Variants in SUPT3H observed in about 807,000 individuals in gnomAD.
The protein encoded by SUPT3H is transcription initiation protein SPT3 homolog.
Under a neutral mutation model 44.3 loss-of-function variants are expected in SUPT3H, and 44 were observed. That is an observed-to-expected ratio of 0.99 (90% confidence interval 0.78 to 1.28). The LOEUF is 1.28. SUPT3H is among the 50% of genes most tolerant of loss of function. The pLI is 0.00. For missense variants in SUPT3H, 380 were observed against 387.1 expected (o/e 0.98, Z 0.15); for synonymous variants, 124 against 125.6 (o/e 0.99, Z 0.09).
chr6:45,042,294 G>A (rs1788662658), intron 3 of SUPT3H, among the ~76,000 whole-genome samples: 1 of 152,040 alleles, frequency 6.6e-6, no homozygotes, highest in African/African-American at 2.4e-5. Context: ...ATTTTGGCAG[G>A]CACCTGTAAT....
intron 10 of SUPT3H, among the ~76,000 whole-genome samples, chr6:44,860,524 C>T (rs958756930): frequency 6.6e-5 from 10 of 152,180 alleles, no homozygotes; most frequent in Non-Finnish European, 1.0e-4. Flanking sequence ...CAGTTAATGG[C>T]CGGACTGGGA....
At chr6:45,267,278 C>T (rs1775413718) in intron 2 of SUPT3H, among the ~76,000 whole-genome samples, 1 of 152,170 alleles carries the variant, frequency 6.6e-6, no homozygotes, top group Non-Finnish European at 1.5e-5. Context: ...ACCTAAAATT[C>T]ATGCCCTAAT....
At chr6:45,068,314 G>A (rs1485293658) in intron 3 of SUPT3H, among the ~76,000 whole-genome samples, 12 of 120,490 alleles carry the variant, frequency 1.0e-4, no homozygotes, top group Admixed American at 3.5e-4. Context: ...GGACTGTGGT[G>A]GGGTGGGGGG....
chr6:45,158,298 A>ATATATATATATATTTTTTTTTTT, intron 2 of SUPT3H, among the ~76,000 whole-genome samples: 1 of 99,694 alleles, frequency 1.0e-5, no homozygotes, highest in African/African-American at 5.0e-5. Flanking sequence ...ATATATATAT[A>ATATATATATATATTTTTTTTTTT]TTTTTTTTTT....
Position 45,290,949 on chromosome 6 carries a change from G to C in SUPT3H, c.101+74252C>G, listed in dbSNP as rs1780214069. Among the ~76,000 whole-genome samples the C allele has an allele frequency of 4.6e-5, 7 of 152,156 alleles. 1 individual carries two copies. The South Asian group carries it at 1.4e-3, about 32-fold the overall frequency. On this transcript the variant is annotated intron_variant, in intron 2 of 10. Coordinates refer to ENST00000371459, the MANE Select transcript of SUPT3H (RefSeq NM_003599.4). ...AACTCGGATGGACAGAGCAGCATGT[G>C]GAGGCTCGCATCATGAATTTTTGCT... is the stretch of plus-strand genomic sequence containing the variant.
At chr6:45,311,591 A>T (rs1323393862) in intron 2 of SUPT3H, among the ~76,000 whole-genome samples, 1 of 152,154 alleles carries the variant, frequency 6.6e-6, no homozygotes, top group Non-Finnish European at 1.5e-5. Context: ...ATAAAGGAAA[A>T]CCTATCAGAT....
At chr6:45,284,198 G>A (rs1778759506) in intron 2 of SUPT3H, among the ~76,000 whole-genome samples, 1 of 152,104 alleles carries the variant, frequency 6.6e-6, no homozygotes, top group Non-Finnish European at 1.5e-5. Context: ...AGAAGCAAGA[G>A]CAAACACATT....
At chr6:45,292,634 G>A (rs1780489510) in intron 2 of SUPT3H, among the ~76,000 whole-genome samples, 5 of 151,022 alleles carry the variant, frequency 3.3e-5, no homozygotes, top group Admixed American at 3.3e-4. Flanking sequence ...GCAGAGGGGT[G>A]GAAAAAGACA....
chr6:45,061,167 C>T (rs951913569), intron 3 of SUPT3H, among the ~76,000 whole-genome samples: 6 of 152,070 alleles, frequency 3.9e-5, no homozygotes, highest in African/African-American at 1.4e-4. Flanking sequence ...TGCAGCACTA[C>T]TCACAATAGC....
intron 3 of SUPT3H, among the ~76,000 whole-genome samples, chr6:45,058,440 T>C (rs1192044666): frequency 6.6e-6 from 1 of 152,172 alleles, no homozygotes; most frequent in African/African-American, 2.4e-5. Flanking sequence ...CTAAGGAATA[T>C]GCTATGCATA....
intron 2 of SUPT3H, among the ~76,000 whole-genome samples, chr6:45,303,370 A>G (rs969441255): frequency 6.6e-6 from 1 of 152,228 alleles, no homozygotes; most frequent in Non-Finnish European, 1.5e-5. Context: ...CAAGCTATAC[A>G]TCCGACAAAG....
chr6:44,923,805 C>A (rs112870770), intron 10 of SUPT3H, among the ~76,000 whole-genome samples: 2 of 151,832 alleles, frequency 1.3e-5, no homozygotes, highest in Admixed American at 6.6e-5. Flanking sequence ...CCCTTCTCCC[C>A]ACATCTGCCT....
At chr6:45,288,191 T>C (rs970697799) in intron 2 of SUPT3H, among the ~76,000 whole-genome samples, 2 of 152,110 alleles carry the variant, frequency 1.3e-5, no homozygotes, top group African/African-American at 4.8e-5. Flanking sequence ...CACAATATGA[T>C]ATCAAATCCA....
At chr6:44,932,154 C>T (rs968553611) in intron 10 of SUPT3H, among the ~76,000 whole-genome samples, 2 of 152,052 alleles carry the variant, frequency 1.3e-5, no homozygotes, top group Non-Finnish European at 2.9e-5. Flanking sequence ...TAAAACAACA[C>T]AAAACCCTGA....
rs564136433 is a variant in SUPT3H, at chr6:45,276,250, C to A, written c.101+88951G>T. Among the ~76,000 whole-genome samples the A allele has an allele frequency of 1.8e-3, 280 of 152,064 alleles. 1 individual carries two copies. The highest frequency in any genetic ancestry group is 6.2e-3 in the African/African-American group (259 of 41,504). ...CAGACATATAAATAGAATAATATAGCACAACTAAATGGAGTTTATATATTA... is the reference window on the plus strand; with the variant it reads ...CAGACATATAAATAGAATAATATAGAACAACTAAATGGAGTTTATATATTA... On this transcript the variant is annotated intron_variant, in intron 2 of 10. Transcript: ENST00000371459.
chr6:45,262,841 G>C (rs1465812804), intron 2 of SUPT3H, among the ~76,000 whole-genome samples: 1 of 151,976 alleles, frequency 6.6e-6, no homozygotes, highest in Non-Finnish European at 1.5e-5. Context: ...ATGAACAGGA[G>C]CTTCTTAAAA....
chr6:44,903,087 TA>T (rs1765374305), intron 10 of SUPT3H, among the ~76,000 whole-genome samples: 2 of 151,978 alleles, frequency 1.3e-5, no homozygotes, highest in Admixed American at 6.6e-5. Flanking sequence ...AGGAAAGATC[TA>T]AAACTGACAC....
At chr6:45,128,789 G>A (rs1407562511) in intron 2 of SUPT3H, among the ~76,000 whole-genome samples, 2 of 150,560 alleles carry the variant, frequency 1.3e-5, no homozygotes, top group Non-Finnish European at 2.9e-5. Flanking sequence ...GGGTTCAAAC[G>A]ATTCTCCTGT....
intron 10 of SUPT3H, among the ~76,000 whole-genome samples, chr6:44,920,870 TG>T (rs1450562608): frequency 6.6e-6 from 1 of 152,214 alleles, no homozygotes; most frequent in African/African-American, 2.4e-5. Flanking sequence ...ATTTTATTCC[TG>T]CTCCTCTGTG....
Sources: gnomAD v4.1 joint callset for allele counts (sites outside exome capture counted in the v4.1 genomes callset) on GRCh38, gnomAD v4.1.1 for gene constraint, MANE v1.5 for transcripts, NCBI Gene and HGNC (gene_info 2026-07-23, HGNC 2026-07-21) for gene names.